The following FRMD5 variants were observed in gnomAD, a reference collection of about 807,000 sequenced individuals.
The protein encoded by FRMD5 is FERM domain containing 5.
FRMD5 carries 20 observed loss-of-function variants against 69.0 expected under a neutral mutation model. That is an observed-to-expected ratio of 0.29 (90% CI 0.20 to 0.42). The LOEUF (loss-of-function observed/expected upper bound fraction) is 0.42. FRMD5 is among the 10% of genes least tolerant of loss of function. The probability of loss-of-function intolerance (pLI) is 1.00; values close to 1 mark genes in which losing one functional copy is unlikely to be tolerated. For synonymous variants in FRMD5, 271 were observed against 260.1 expected (o/e 1.04, Z -0.40); for missense variants, 595 against 708.6 (o/e 0.84, Z 1.82).
At chr15:43,936,068 C>G (rs1031471479) in intron 1 of FRMD5, among the ~76,000 whole-genome samples, 1 of 152,208 alleles carries the variant, frequency 6.6e-6, no homozygotes, top group Non-Finnish European at 1.5e-5. Context: ...TGCTAACCTT[C>G]CCATGTTTAA....
intron 1 of FRMD5, among the ~76,000 whole-genome samples, chr15:44,042,335 A>C (rs1286530430): frequency 6.6e-6 from 1 of 152,216 alleles, no homozygotes. Flanking sequence ...TCACACCCGA[A>C]TTCTACCAGA....
chr15:44,076,478 A>G (rs1388923045), intron 1 of FRMD5, among the ~76,000 whole-genome samples: 1 of 150,810 alleles, frequency 6.6e-6, no homozygotes, highest in Non-Finnish European at 1.5e-5. Context: ...TTGTAGGGAC[A>G]TGGATGAAAT....
chr15:44,147,525 T>C (rs2077375743), intron 1 of FRMD5, among the ~76,000 whole-genome samples: 1 of 152,194 alleles, frequency 6.6e-6, no homozygotes, highest in Non-Finnish European at 1.5e-5. Flanking sequence ...TCAATGGTAG[T>C]TTAATGGGAA....
intron 1 of FRMD5, among the ~76,000 whole-genome samples, chr15:44,050,395 T>G (rs1892606759): frequency 6.6e-6 from 1 of 152,206 alleles, no homozygotes; most frequent in Admixed American, 6.5e-5. Flanking sequence ...AGTCTCACTC[T>G]GCCGGCCAGG....
At chr15:44,012,010 G>A (rs1890742679) in intron 1 of FRMD5, among the ~76,000 whole-genome samples, 1 of 152,146 alleles carries the variant, frequency 6.6e-6, no homozygotes, top group Non-Finnish European at 1.5e-5. Context: ...GTGTCCATCT[G>A]TCTTTACTGC....
chr15:43,922,746 C>T (rs2089517576), intron 2 of FRMD5, among the ~76,000 whole-genome samples: 2 of 151,096 alleles, frequency 1.3e-5, no homozygotes, highest in Non-Finnish European at 1.5e-5. Context: ...TCTTGGCTCA[C>T]TGCAACCTCC....
chr15:43,877,601 C>T (rs1366983051), intron 13 of FRMD5, among the ~76,000 whole-genome samples: 1 of 152,230 alleles, frequency 6.6e-6, no homozygotes, highest in Non-Finnish European at 1.5e-5. Flanking sequence ...AGGCAGGGCA[C>T]CTGCCATCTA....
At chr15:44,076,501 T>A (rs1339951564) in intron 1 of FRMD5, among the ~76,000 whole-genome samples, 1 of 150,582 alleles carries the variant, frequency 6.6e-6, no homozygotes, top group East Asian at 2.0e-4. Flanking sequence ...GAAATCATCA[T>A]TCTCAGTAAA....
At chr15:43,967,263 C>T (rs1157965516) in intron 1 of FRMD5, among the ~76,000 whole-genome samples, 9 of 151,324 alleles carry the variant, frequency 5.9e-5, no homozygotes, top group Admixed American at 4.6e-4. Flanking sequence ...GATGGAGCCT[C>T]GCTCTGTCGC....
intron 1 of FRMD5, among the ~76,000 whole-genome samples, chr15:44,109,996 C>T (rs1281648177): frequency 2.0e-5 from 3 of 152,134 alleles, no homozygotes; most frequent in Non-Finnish European, 4.4e-5. Flanking sequence ...CTTTTTAGTG[C>T]TAAGTGTACC....
chr15:44,026,029 G>C (rs772862133), intron 1 of FRMD5, among the ~76,000 whole-genome samples: 1 of 152,168 alleles, frequency 6.6e-6, no homozygotes, highest in African/African-American at 2.4e-5. Flanking sequence ...CCAGGCTAGA[G>C]TGCAGTGGCA....
chr15:43,990,074 GC>G (rs1889598182), intron 1 of FRMD5: 9 of 702,354 alleles, frequency 1.3e-5, no homozygotes, highest in Non-Finnish European at 2.4e-5. Context: ...TGTCTGGGGC[GC>G]CCCACAATGA....
chr15:44,025,375 G>A (rs576419236), intron 1 of FRMD5, among the ~76,000 whole-genome samples: 21 of 152,198 alleles, frequency 1.4e-4, no homozygotes, highest in African/African-American at 5.1e-4. Context: ...GTTAGATATT[G>A]ATAAGAAGGA....
At chr15:43,930,203 G>A (rs926708803) in intron 1 of FRMD5, among the ~76,000 whole-genome samples, 2 of 152,218 alleles carry the variant, frequency 1.3e-5, no homozygotes, top group Non-Finnish European at 2.9e-5. Flanking sequence ...TTCCTGCTTA[G>A]TCGTAAACCA....
intron 1 of FRMD5, among the ~76,000 whole-genome samples, chr15:44,135,457 T>C (rs553142789): frequency 6.6e-6 from 1 of 152,312 alleles, no homozygotes; most frequent in South Asian, 2.1e-4. Flanking sequence ...TAGACATGTT[T>C]TATTGCCTAA....
intron 1 of FRMD5, among the ~76,000 whole-genome samples, chr15:44,119,220 A>G: frequency 6.6e-6 from 1 of 152,158 alleles, no homozygotes; most frequent in East Asian, 1.9e-4. Context: ...TCGGCCTTCC[A>G]AAGTACTGGA....
At chr15:44,116,657 C>G (rs1458594097) in intron 1 of FRMD5, among the ~76,000 whole-genome samples, 1 of 152,178 alleles carries the variant, frequency 6.6e-6, no homozygotes, top group Non-Finnish European at 1.5e-5. Flanking sequence ...AGCACTATCT[C>G]CTTTATGCCC....
intron 8 of FRMD5, among the ~76,000 whole-genome samples, chr15:43,889,080 A>C (rs1249805420): frequency 6.6e-6 from 1 of 152,170 alleles, no homozygotes; most frequent in Non-Finnish European, 1.5e-5. Context: ...GGTCAATCAC[A>C]CTATAGTAAT....
chr15:44,098,494 C>A (rs1193653170), intron 1 of FRMD5, among the ~76,000 whole-genome samples: 1 of 146,146 alleles, frequency 6.8e-6, no homozygotes, highest in African/African-American at 2.6e-5. Context: ...CACTGCACTC[C>A]AGCCTGGCGA....
Sources: gnomAD v4.1 joint callset for allele counts (sites outside exome capture counted in the v4.1 genomes callset) on GRCh38, gnomAD v4.1.1 for gene constraint, MANE v1.5 for transcripts, NCBI Gene and HGNC (gene_info 2026-07-23, HGNC 2026-07-21) for gene names.